The following TG variants were observed in gnomAD, a reference collection of about 807,000 sequenced individuals.
TG encodes the protein thyroglobulin.
TG carries 270 observed loss-of-function variants against 324.7 expected under a neutral mutation model. That is an observed-to-expected ratio of 0.83 (90% CI 0.75 to 0.92). The LOEUF (loss-of-function observed/expected upper bound fraction) is 0.92, where lower values mean the gene tolerates loss of function less well. TG is among the 40% of genes least tolerant of loss of function. The probability of loss-of-function intolerance (pLI) is 0.00; values close to 1 mark genes in which losing one functional copy is unlikely to be tolerated. For synonymous variants in TG, 1,401 were observed against 1,327.0 expected, an observed-to-expected ratio of 1.06 and a Z score of -1.21; for missense variants, 3,591 against 3,456.4, an observed-to-expected ratio of 1.04 and a Z score of -0.98.
intron 11 of TG, among the ~76,000 whole-genome samples, chr8:132,894,779 C>T (rs1165372745): frequency 6.6e-6 from 1 of 152,242 alleles, no homozygotes; most frequent in Non-Finnish European, 1.5e-5. Context: ...AATATTCTAA[C>T]TTCACCTTTG....
Position 132,966,509 on chromosome 8 carries a change from T to G in TG, c.5549-51T>G, listed in dbSNP as rs146293751. The G allele has an allele frequency of 2.5e-6, 4 of 1,608,646 alleles. No individual in the cohort carries two copies. The East Asian group carries it at 8.9e-5, about 36-fold the overall frequency. On this transcript the variant is annotated intron_variant, in intron 29 of 47. Coordinates refer to ENST00000220616, the MANE Select transcript of TG (RefSeq NM_003235.5). ...GTGTTTCTTTCTTGTGTTTTTCTCA[T>G]ATTCACTAGAGTTAAAGGTGCAGGA...
At chr8:132,882,225 T>C (rs891373728) in intron 6 of TG, among the ~76,000 whole-genome samples, 1 of 152,218 alleles carries the variant, frequency 6.6e-6, no homozygotes, top group Non-Finnish European at 1.5e-5. Flanking sequence ...AGCCCCGAAA[T>C]TGGCGAGTGG....
intron 44 of TG, among the ~76,000 whole-genome samples, chr8:133,114,613 C>T (rs1249337028): frequency 6.6e-6 from 1 of 152,224 alleles, no homozygotes; most frequent in African/African-American, 2.4e-5. Context: ...TGAGTCCCCT[C>T]ACAGGTGACG....
At chr8:132,935,594 C>T (rs954296862) in intron 24 of TG, among the ~76,000 whole-genome samples, 162 bp from the exon 25 acceptor site, 3 of 152,178 alleles carry the variant, frequency 2.0e-5, no homozygotes, top group Non-Finnish European at 4.4e-5. Context: ...ACACTCCTGG[C>T]TGCAAGTTAC....
At chr8:133,008,505 TG>T (rs1371249545) in intron 35 of TG, among the ~76,000 whole-genome samples, 1 of 150,804 alleles carries the variant, frequency 6.6e-6, no homozygotes, top group Non-Finnish European at 1.5e-5. Flanking sequence ...AATAGAAAAA[TG>T]AAAAAAAAAC....
chr8:132,936,300 C>T (rs1024047947), intron 25 of TG, among the ~76,000 whole-genome samples: 1 of 152,190 alleles, frequency 6.6e-6, no homozygotes, highest in African/African-American at 2.4e-5. Context: ...TGCCGGGCTC[C>T]CAGCAGCTGC....
chr8:132,898,763 G>T, intron 13 of TG, 35 bp from the exon 14 acceptor site: 3 of 1,602,120 alleles, frequency 1.9e-6, no homozygotes, highest in South Asian at 1.1e-5. Context: ...TGGCTCCCAC[G>T]ACCAGTCCTT....
rs2687835 is a variant in TG at position 132,908,965 on chromosome 8, G to A, written c.4002+625G>A. Among the ~76,000 whole-genome samples the A allele has an allele frequency of 2.6e-4, 39 of 152,330 alleles. No homozygotes were observed. The South Asian group carries it at 8.1e-3, about 32-fold the overall frequency. On this transcript the variant is annotated intron_variant, in intron 18 of 47. Coordinates refer to ENST00000220616, the MANE Select transcript of TG (RefSeq NM_003235.5). Reference sequence around the variant, plus strand: ...TCTGTGATGGGCACATACTTAGTGTGAGCCATAAAATTGAGGGAACCGGTA... The same window carrying A: ...TCTGTGATGGGCACATACTTAGTGTAAGCCATAAAATTGAGGGAACCGGTA...
intron 8 of TG, among the ~76,000 whole-genome samples, chr8:132,883,601 A>G (rs1422590143): frequency 6.6e-6 from 1 of 152,174 alleles, no homozygotes. Context: ...TAAGACAATG[A>G]GGTCTTTGTT....
intron 45 of TG, among the ~76,000 whole-genome samples, chr8:133,120,477 G>T (rs866008012): frequency 6.6e-6 from 1 of 152,192 alleles, no homozygotes; most frequent in Non-Finnish European, 1.5e-5. Flanking sequence ...CCACAAGGAT[G>T]AATTCAAATT....
At chr8:132,876,735 C>T (rs940432321) in intron 5 of TG, among the ~76,000 whole-genome samples, 1 of 152,198 alleles carries the variant, frequency 6.6e-6, no homozygotes, top group African/African-American at 2.4e-5. Context: ...TTATATTGCC[C>T]TAGCCCAACC....
Position 133,022,283 on chromosome 8 carries a change from A to G in TG, c.7036+133A>G. The G allele has an allele frequency of 5.0e-6, 6 of 1,207,830 alleles. No individual in the cohort carries two copies. The South Asian group carries it at 7.4e-5, about 15-fold the overall frequency. The allele number at this position is 1,207,830 out of a possible 1,614,324, so 74.8% of individuals were successfully genotyped here. A position where few individuals can be genotyped will look rare whatever the true frequency, so the allele number is the denominator to read the frequency against. ...AGGCACACAGTGGAAATTTTAGCAC[A>G]TATGGGAGACCCTCCGGGGATACTG... On this transcript the variant is annotated intron_variant, in intron 40 of 47. Coordinates refer to ENST00000220616, the MANE Select transcript of TG (RefSeq NM_003235.5).
intron 41 of TG, among the ~76,000 whole-genome samples, chr8:133,054,928 C>G (rs1841098187): frequency 1.3e-5 from 2 of 152,206 alleles, no homozygotes; most frequent in South Asian, 4.1e-4. Context: ...CTCAGTCACT[C>G]CCACTTATAA....
intron 41 of TG, among the ~76,000 whole-genome samples, chr8:133,043,843 C>T (rs1039873161): frequency 6.6e-6 from 1 of 152,226 alleles, no homozygotes; most frequent in African/African-American, 2.4e-5. Context: ...GTCAAGCATC[C>T]TGAACCCAGA....
chr8:132,967,961 CG>C lies in TG; in HGVS notation c.5856del (p.Lys1953ArgfsTer9), dbSNP rs763872959. 5.0e-6 allele frequency: 8 copies of C among 1,613,528 alleles called. No homozygotes were observed. The highest frequency in any genetic ancestry group is 5.9e-6 in the Non-Finnish European group (7 of 1,179,760). On this transcript the variant is annotated frameshift_variant, in exon 31 of 48. Transcript: ENST00000220616. LOFTEE classifies it high-confidence loss of function. ...GCCTCAGATGCCAAAGGCCCTGTTC[CG>C]GAAGAAAGGTGAGCACTTGGAGAGA... ...ILPQMPKALFRKKVILEDKVK... is the reference protein window; with the variant it reads ...ILPQMPKALFXKKVILEDKVK...
intron 41 of TG, chr8:133,049,858 A>T (rs772547786): frequency 8.2e-7 from 1 of 1,213,112 alleles, no homozygotes; most frequent in Non-Finnish European, 1.2e-6. Context: ...AGTCACCAGC[A>T]TACGCATCAT....
At chr8:132,891,049 C>T (rs894282556) in intron 10 of TG, among the ~76,000 whole-genome samples, 1 of 152,130 alleles carries the variant, frequency 6.6e-6, no homozygotes, top group African/African-American at 2.4e-5. Flanking sequence ...TAATAAATGG[C>T]AATGGTGGAA....
intron 2 of TG, 112 bp from the exon 3 acceptor site, chr8:132,869,617 C>T (rs376670037): frequency 6.7e-5 from 66 of 983,646 alleles, no homozygotes; most frequent in East Asian, 4.3e-4. Flanking sequence ...CTAATTTAAA[C>T]GAACCAAAAC....
At chr8:133,061,881 G>C (rs1417065211) in intron 41 of TG, among the ~76,000 whole-genome samples, 1 of 152,174 alleles carries the variant, frequency 6.6e-6, no homozygotes, top group African/African-American at 2.4e-5. Flanking sequence ...TAAGGGAAGG[G>C]GTGGTGTGAG....
Sources: gnomAD v4.1 joint callset for allele counts (sites outside exome capture counted in the v4.1 genomes callset) on GRCh38, gnomAD v4.1.1 for gene constraint, MANE v1.5 for transcripts, NCBI Gene and HGNC (gene_info 2026-07-23, HGNC 2026-07-21) for gene names.